Variants in C2CD3 observed in about 807,000 individuals in gnomAD.
C2CD3 encodes C2 domain-containing protein 3.
Under a neutral mutation model 234.0 loss-of-function variants are expected in C2CD3, and 148 were observed. The ratio of observed to expected loss-of-function variants is 0.63; its 90% confidence interval spans 0.55 to 0.72. The LOEUF (loss-of-function observed/expected upper bound fraction) is 0.72, where lower values mean the gene tolerates loss of function less well. Ranked by LOEUF, C2CD3 falls within the 30% of genes least tolerant of loss-of-function variation. The pLI is 0.00. For synonymous variants in C2CD3, 1,000 were observed against 1,035.4 expected (o/e 0.97, Z 0.66); for missense variants, 2,577 against 2,811.5 (o/e 0.92, Z 1.89).
At chr11:74,136,724 T>C (rs11604125) in intron 5 of C2CD3, among the ~76,000 whole-genome samples, 42,995 of 151,938 alleles carry the variant, frequency 0.28, 7,089 homozygotes, top group African/African-American at 0.46. Context: ...TCTGGTTACT[T>C]TCCTTAGAAG....
chr11:74,160,540 T>C (rs556865172), intron 3 of C2CD3, among the ~76,000 whole-genome samples: 3 of 151,992 alleles, frequency 2.0e-5, no homozygotes, highest in East Asian at 3.9e-4. Context: ...CTAAAGAAAG[T>C]AGATCTCATA....
chr11:74,101,933 G>C (rs2135494976), intron 14 of C2CD3, among the ~76,000 whole-genome samples: 1 of 152,218 alleles, frequency 6.6e-6, no homozygotes, highest in Middle Eastern at 3.4e-3. Flanking sequence ...AAGCAGGAAA[G>C]TAAAATGTTC....
intron 14 of C2CD3, among the ~76,000 whole-genome samples, chr11:74,101,815 G>C (rs1956326011): frequency 6.6e-6 from 1 of 152,026 alleles, no homozygotes; most frequent in South Asian, 2.1e-4. Context: ...GGGGAAGAGT[G>C]GCAGGAGCTG....
At chr11:74,168,728 T>C in intron 1 of C2CD3, 115 bp from the exon 2 acceptor site, 1 of 913,786 alleles carries the variant, frequency 1.1e-6, no homozygotes, top group East Asian at 2.4e-5. Context: ...CAGCAATTTA[T>C]CACCACTTAG....
At chr11:74,075,225 G>A (rs1954980977) in intron 23 of C2CD3, among the ~76,000 whole-genome samples, 1 of 152,170 alleles carries the variant, frequency 6.6e-6, no homozygotes, top group African/African-American at 2.4e-5. Flanking sequence ...ACTTAGAGAA[G>A]TCTAAGATTT....
At chr11:74,063,975 G>A (rs1455581820) in intron 24 of C2CD3, among the ~76,000 whole-genome samples, 1 of 152,052 alleles carries the variant, frequency 6.6e-6, no homozygotes, top group Non-Finnish European at 1.5e-5. Context: ...ATGTATACAT[G>A]TGCCATTTTG....
chr11:74,082,309 G>C lies in C2CD3; in HGVS notation c.4000+2572C>G, dbSNP rs182630357. ...TTTCTGTATTTTTAGTAGAGATGGG[G>C]TTTCACCTTGTTAGCCAGGATGGTC... On this transcript the variant is annotated intron_variant, in intron 22 of 32. Coordinates refer to ENST00000334126, the MANE Select transcript of C2CD3 (RefSeq NM_001286577.2). 3.7e-3 allele frequency among the ~76,000 whole-genome samples: 560 copies of C among 152,080 alleles called. 2 individuals are homozygous for C. Among genetic ancestry groups the C allele is most frequent in the Non-Finnish European group, 6.4e-3 (438 of 67,980 alleles).
intron 11 of C2CD3, chr11:74,110,657 A>C (rs553495615): frequency 3.9e-5 from 6 of 152,382 alleles, no homozygotes; most frequent in Admixed American, 2.0e-4. Flanking sequence ...ATTTCTCCTT[A>C]CTACTTGGGT....
At chr11:74,159,158 C>T (rs370080804) in intron 3 of C2CD3, among the ~76,000 whole-genome samples, 22 of 152,138 alleles carry the variant, frequency 1.4e-4, no homozygotes, top group African/African-American at 5.1e-4. Flanking sequence ...ATGTTTGTGG[C>T]GATGCTGATG....
chr11:74,061,311 A>G (rs1457870089), intron 24 of C2CD3, among the ~76,000 whole-genome samples: 1 of 152,238 alleles, frequency 6.6e-6, no homozygotes, highest in African/African-American at 2.4e-5. Flanking sequence ...AGCAACTCCA[A>G]GACACATAAT....
At chr11:74,106,268 G>T in intron 13 of C2CD3, 103 bp downstream of exon 13, 1 of 1,120,388 alleles carries the variant, frequency 8.9e-7, no homozygotes, top group Non-Finnish European at 1.3e-6. Context: ...TGCTACACAA[G>T]ATCAAAGACC....
intron 3 of C2CD3, among the ~76,000 whole-genome samples, chr11:74,146,779 G>A (rs985507347): frequency 6.9e-6 from 1 of 144,604 alleles, no homozygotes; most frequent in Non-Finnish European, 1.5e-5. Context: ...CCTGCCAGGC[G>A]CGGTGGCTCA....
At chr11:74,078,840 C>A in intron 22 of C2CD3, 123 bp from the exon 23 acceptor site, 1 of 856,538 alleles carries the variant, frequency 1.2e-6, no homozygotes, top group Non-Finnish European at 1.7e-6. Context: ...AACATACCCA[C>A]AGTGAGTTGG....
chr11:74,140,658 A>T (rs1958022942), intron 3 of C2CD3, among the ~76,000 whole-genome samples: 1 of 152,146 alleles, frequency 6.6e-6, no homozygotes, highest in Non-Finnish European at 1.5e-5. Flanking sequence ...TCATTTTTCT[A>T]TCGACTACTT....
chr11:74,083,371 C>G (rs549732191), intron 22 of C2CD3, among the ~76,000 whole-genome samples: 2 of 152,186 alleles, frequency 1.3e-5, no homozygotes, highest in Non-Finnish European at 2.9e-5. Context: ...CCATTCAGGA[C>G]GTAGGCATGG....
chr11:74,163,427 C>G (rs945042222), intron 2 of C2CD3, among the ~76,000 whole-genome samples: 11 of 152,254 alleles, frequency 7.2e-5, no homozygotes, highest in African/African-American at 2.2e-4. Flanking sequence ...GTGTCCCCAT[C>G]CAAATCTCAT....
chr11:74,135,853 G>A (rs1358656621), intron 5 of C2CD3, among the ~76,000 whole-genome samples: 7 of 152,228 alleles, frequency 4.6e-5, no homozygotes, highest in Non-Finnish European at 5.9e-5. Flanking sequence ...TATCCTAGGC[G>A]AACTAAGTCA....
At chr11:74,066,461 A>G (rs114203128) in intron 24 of C2CD3, among the ~76,000 whole-genome samples, 1 of 151,960 alleles carries the variant, frequency 6.6e-6, no homozygotes, top group Non-Finnish European at 1.5e-5. Context: ...AGAAAAAAAA[A>G]CATTTAACAA....
chr11:74,109,694 C>G (rs577897067), intron 11 of C2CD3, among the ~76,000 whole-genome samples: 1 of 152,244 alleles, frequency 6.6e-6, no homozygotes, highest in Non-Finnish European at 1.5e-5. Context: ...GAAGGGGTTT[C>G]TGCTATAACT....
Sources: gnomAD v4.1 joint callset for allele counts (sites outside exome capture counted in the v4.1 genomes callset) on GRCh38, gnomAD v4.1.1 for gene constraint, MANE v1.5 for transcripts, NCBI Gene and HGNC (gene_info 2026-07-23, HGNC 2026-07-21) for gene names.